The following BEND4 variants were observed in gnomAD, a reference collection of about 807,000 sequenced individuals.
BEND4 encodes BEN domain containing 4.
In BEND4, 27 loss-of-function variants were observed where a neutral mutation model predicts 54.7. That is an observed-to-expected ratio of 0.49 (90% CI 0.36 to 0.68). The LOEUF (loss-of-function observed/expected upper bound fraction) is 0.68. Among genes scored for constraint, BEND4 ranks in the 30% least tolerant of loss-of-function variants. The pLI is 0.00. For missense variants in BEND4, 702 were observed against 697.2 expected (o/e 1.01, Z -0.08); for synonymous variants, 327 against 299.5 (o/e 1.09, Z -0.95).
chr4:42,141,268 T>C (rs190650711), intron 3 of BEND4, among the ~76,000 whole-genome samples: 121 of 152,354 alleles, frequency 7.9e-4, no homozygotes, highest in African/African-American at 2.7e-3. Flanking sequence ...AATTCCAAAA[T>C]GTTCTGAACC....
rs201718811 is a variant in BEND4 at position 42,119,209 on chromosome 4, C to CT, written c.1387+844dup. On this transcript the variant is annotated intron_variant, in intron 5 of 5. Coordinates refer to ENST00000502486, the MANE Select transcript of BEND4 (RefSeq NM_207406.4). ...TAGGGCCTTAGCAGTGATAATCCGG[C>CT]TTTTTTTTTTACTGTGATTTCCTCA... Among the ~76,000 whole-genome samples, 42 of 148,264 alleles carry CT rather than the reference C, an allele frequency of 2.8e-4. No individual in the cohort carries two copies. The East Asian group carries it at 4.1e-3, about 15-fold the overall frequency.
At chr4:42,118,904 TAGG>T (rs1235032612) in intron 5 of BEND4, among the ~76,000 whole-genome samples, 1 of 152,184 alleles carries the variant, frequency 6.6e-6, no homozygotes, top group Non-Finnish European at 1.5e-5. Context: ...GACCAACTAA[TAGG>T]AGGTGTGCTG....
rs575834166 is a variant in BEND4 at position 42,126,060 on chromosome 4, C to T, written c.1055-386G>A. Among the ~76,000 whole-genome samples, 90 of 151,212 alleles carry T rather than the reference C, an allele frequency of 6.0e-4. No homozygotes were observed. The Middle Eastern group carries it at 0.017, about 29-fold the overall frequency. ...CCAGCCTCTAAAAAGATTTTTGATG[C>T]AAACTTCCAAAAAAAAAAATATTTT... On this transcript the variant is annotated intron_variant, in intron 3 of 5. Transcript: ENST00000502486.
At position 42,118,449 on chromosome 4, in the gene BEND4, G is replaced by T. The variant is rs114389052; in HGVS notation, c.1388-714C>A. 8.2e-3 allele frequency among the ~76,000 whole-genome samples: 1,251 copies of T among 152,222 alleles called. 18 individuals are homozygous for T. Among genetic ancestry groups the T allele is most frequent in the African/African-American group, 0.028 (1,164 of 41,538 alleles). ...CCTACGTATTTCCCAACCAAAAGCGGGATGGAGGTCCACGCATTGTGGCCC... is the reference window on the plus strand; with the variant it reads ...CCTACGTATTTCCCAACCAAAAGCGTGATGGAGGTCCACGCATTGTGGCCC... On this transcript the variant is annotated intron_variant, in intron 5 of 5. Coordinates refer to ENST00000502486, the MANE Select transcript of BEND4 (RefSeq NM_207406.4).
At chr4:42,144,565 C>T (rs1050789724) in intron 2 of BEND4, among the ~76,000 whole-genome samples, 7 of 152,226 alleles carry the variant, frequency 4.6e-5, no homozygotes, top group African/African-American at 1.7e-4. Context: ...ACAGGATGAG[C>T]ACAAAACTGT....
At chr4:42,134,865 A>C (rs1171667234) in intron 3 of BEND4, among the ~76,000 whole-genome samples, 2 of 152,190 alleles carry the variant, frequency 1.3e-5, no homozygotes, top group African/African-American at 4.8e-5. Context: ...TTGACTGTTC[A>C]GGGATTCACA....
At chr4:42,122,748 T>G (rs1402587127) in intron 4 of BEND4, among the ~76,000 whole-genome samples, 1 of 152,230 alleles carries the variant, frequency 6.6e-6, no homozygotes, top group Non-Finnish European at 1.5e-5. Context: ...TAACACCATA[T>G]AATTTTTAAA....
intron 3 of BEND4, among the ~76,000 whole-genome samples, chr4:42,126,335 G>C (rs761819762): frequency 1.2e-4 from 19 of 152,164 alleles, no homozygotes; most frequent in African/African-American, 4.3e-4. Flanking sequence ...TAAAAATTAA[G>C]GTACTGAAAA....
At position 42,111,196 on chromosome 4, in the gene BEND4, T is replaced by C. The variant is rs950637190; in HGVS notation, c.*6322A>G. The C allele has an allele frequency of 1.3e-5, 2 of 152,260 alleles. No homozygotes were observed. The highest frequency in any genetic ancestry group is 2.9e-5 in the Non-Finnish European group (2 of 68,034). 9.4% of individuals were successfully genotyped at this position (152,260 alleles called of 1,614,324 possible). ...TAAATTGTTCACAAAAAAATCTTGCTATTCTATATTACACTATGCATTTGT... is the reference window on the plus strand; with the variant it reads ...TAAATTGTTCACAAAAAAATCTTGCCATTCTATATTACACTATGCATTTGT... On this transcript the variant is annotated 3_prime_UTR_variant, in exon 6 of 6. Coordinates refer to ENST00000502486, the MANE Select transcript of BEND4 (RefSeq NM_207406.4).
chr4:42,125,732 T>C, intron 3 of BEND4, 58 bp from the exon 4 acceptor site: 12 of 1,182,088 alleles, frequency 1.0e-5, no homozygotes, highest in Non-Finnish European at 1.4e-5. Context: ...TGAAAATAAA[T>C]AAATTTTTTA....
intron 5 of BEND4, among the ~76,000 whole-genome samples, chr4:42,119,719 A>G (rs560075514): frequency 1.3e-5 from 2 of 152,076 alleles, no homozygotes; most frequent in Non-Finnish European, 2.9e-5. Flanking sequence ...CATTAAAAAA[A>G]TTTTCCACAC....
chr4:42,150,575 G>C (rs1054312967), intron 2 of BEND4, among the ~76,000 whole-genome samples: 13 of 152,222 alleles, frequency 8.5e-5, no homozygotes, highest in Non-Finnish European at 1.8e-4. Flanking sequence ...GCAGGATTTG[G>C]GGGGCTTCAA....
chr4:42,143,714 G>A lies in BEND4; in HGVS notation c.768C>T (p.Tyr256=), dbSNP rs1577766751. 5.6e-6 allele frequency: 9 copies of A among 1,614,060 alleles called. No individual in the cohort carries two copies. In the East Asian group the frequency reaches 2.0e-4, roughly 36 times the overall value. ...LRVFTDSLQN[Y]LLSGSFPTPN... Reference sequence around the variant, plus strand: ...GAGTTGGAAAGCTTCCCGAGAGCAGGTAATTTTGTAGAGAGTCAGTGAAAA... The same window carrying A: ...GAGTTGGAAAGCTTCCCGAGAGCAGATAATTTTGTAGAGAGTCAGTGAAAA... The change falls in exon 3 of 6, where the codon TAC becomes TAT. Residue 256 remains tyrosine (Y), a synonymous_variant. Transcript: ENST00000502486.
chr4:42,133,324 C>T (rs1720572497), intron 3 of BEND4, among the ~76,000 whole-genome samples: 3 of 152,134 alleles, frequency 2.0e-5, no homozygotes, highest in Admixed American at 2.0e-4. Flanking sequence ...GGATGTCCTG[C>T]TCAAGAAAAC....
intron 2 of BEND4, 87 bp from the exon 3 acceptor site, chr4:42,144,081 CAT>C: frequency 1.1e-6 from 1 of 934,048 alleles, no homozygotes; most frequent in Non-Finnish European, 1.7e-6. Context: ...AACATTCAAA[CAT>C]GTTAAAAATA....
intron 2 of BEND4, among the ~76,000 whole-genome samples, chr4:42,148,942 A>T (rs767464520): frequency 6.6e-6 from 1 of 152,220 alleles, no homozygotes; most frequent in Non-Finnish European, 1.5e-5. Context: ...GAGATTTTAT[A>T]AAAATGTTGA....
intron 2 of BEND4, among the ~76,000 whole-genome samples, chr4:42,149,553 G>A (rs116051000): frequency 2.6e-5 from 4 of 152,062 alleles, no homozygotes; most frequent in Non-Finnish European, 5.9e-5. Context: ...AAAAGCAACC[G>A]TGAGAATAAA....
rs755523914 is a variant in BEND4, at chr4:42,152,062, T to G, written c.82A>C (p.Lys28Gln). The change falls in exon 2 of 6, where the codon AAG (lysine) becomes CAG (glutamine). Residue 28 changes from lysine (K) to glutamine (Q), a missense_variant. Physicochemically the swap from Lys to Gln is moderately conservative, Grantham distance 53 (BLOSUM62 1). Coordinates refer to ENST00000502486, the MANE Select transcript of BEND4 (RefSeq NM_207406.4). ...YKQRSPYSVL[K>Q]TFPSKRPALA... ...GCCGGTCTCTTGCTGGGGAACGTCT[T>G]GAGGACGCTGTAGGGGCTGCGCTGC... is the stretch of plus-strand genomic sequence containing the variant. 1 of 1,252,456 alleles carries G rather than the reference T, an allele frequency of 8.0e-7. No homozygotes were observed. The highest frequency in any genetic ancestry group is 1.0e-6 in the Non-Finnish European group (1 of 991,322). The allele number at this position is 1,252,456 out of a possible 1,614,324, so 77.6% of individuals were successfully genotyped here.
In BEND4 at chr4:42,111,174, A is replaced by G. The variant is rs1172174354; in HGVS notation, c.*6344T>C. 6.6e-6 allele frequency: 1 copy of G among 152,238 alleles called. No homozygotes were observed. The highest frequency in any genetic ancestry group is 1.5e-5 in the Non-Finnish European group (1 of 68,036). The allele number at this position is 152,238 out of a possible 1,614,324, so 9.4% of individuals were successfully genotyped here. ...AAAAACAACTTACTCTTCTATATAA[A>G]TTGTTCACAAAAAAATCTTGCTATT... is the stretch of plus-strand genomic sequence containing the variant. On this transcript the variant is annotated 3_prime_UTR_variant, in exon 6 of 6. Coordinates refer to ENST00000502486, the MANE Select transcript of BEND4 (RefSeq NM_207406.4).
Sources: gnomAD v4.1 joint callset for allele counts (sites outside exome capture counted in the v4.1 genomes callset) on GRCh38, gnomAD v4.1.1 for gene constraint, MANE v1.5 for transcripts, NCBI Gene and HGNC (gene_info 2026-07-23, HGNC 2026-07-21) for gene names.